The following QRFPR variants were observed in gnomAD, a reference collection of about 807,000 sequenced individuals.
QRFPR encodes pyroglutamylated RF-amide peptide receptor.
In QRFPR, 37 loss-of-function variants were observed where a neutral mutation model predicts 31.3. The ratio of observed to expected loss-of-function variants is 1.18; its 90% CI spans 0.91 to 1.56. The LOEUF (loss-of-function observed/expected upper bound fraction) is 1.56, where lower values mean the gene tolerates loss of function less well. QRFPR is among the 40% of genes most tolerant of loss of function. The pLI, the probability that QRFPR is intolerant of heterozygous loss-of-function variation, is 0.00. For missense variants in QRFPR, 542 were observed against 532.5 expected (o/e 1.02, Z -0.18); for synonymous variants, 197 against 192.0 (o/e 1.03, Z -0.22).
chr4:121,332,536 G>C (rs1725346145), intron 4 of QRFPR, among the ~76,000 whole-genome samples: 1 of 152,148 alleles, frequency 6.6e-6, no homozygotes, highest in Admixed American at 6.5e-5. Flanking sequence ...ACAGGGTTCT[G>C]ACACCAGCCC....
intron 1 of QRFPR, among the ~76,000 whole-genome samples, chr4:121,377,909 C>T (rs1050750095): frequency 2.6e-5 from 4 of 152,106 alleles, no homozygotes; most frequent in African/African-American, 9.7e-5. Flanking sequence ...GTTAATTTAT[C>T]AAGGAAATTT....
At chr4:121,363,528 A>G (rs548785311) in intron 1 of QRFPR, among the ~76,000 whole-genome samples, 1 of 150,008 alleles carries the variant, frequency 6.7e-6, no homozygotes, top group Non-Finnish European at 1.5e-5. Flanking sequence ...TTTCCAATTG[A>G]ACCATACTGG....
chr4:121,374,881 T>C (rs1451190070), intron 1 of QRFPR, among the ~76,000 whole-genome samples: 1 of 152,214 alleles, frequency 6.6e-6, no homozygotes, highest in East Asian at 1.9e-4. Context: ...TTGCTTTTAG[T>C]CAATTTGCCA....
At position 121,329,249 on chromosome 4, in the gene QRFPR, G is replaced by T; in HGVS notation, c.*65C>A. The T allele has an allele frequency of 8.0e-7, 1 of 1,247,908 alleles. No individual in the cohort carries two copies. 77.3% of individuals were successfully genotyped at this position (1,247,908 alleles called of 1,614,324 possible). A position where few individuals can be genotyped will look rare whatever the true frequency, so the allele number is the denominator to read the frequency against. The stretch of plus-strand genomic sequence containing the variant: ...AGAATAAAAAGAGTATTTGACCTTT[G>T]CTCAAAATAATTTTCTCTTTGGGTT... On this transcript the variant is annotated 3_prime_UTR_variant, in exon 6 of 6. Coordinates refer to ENST00000394427, the MANE Select transcript of QRFPR (RefSeq NM_198179.3).
chr4:121,336,904 G>C (rs72668953), intron 2 of QRFPR, 36 bp from the exon 3 acceptor site: 6 of 1,566,150 alleles, frequency 3.8e-6, no homozygotes, highest in Non-Finnish European at 5.3e-6. Flanking sequence ...GTATGACTCA[G>C]TTGAGTAAAA....
chr4:121,370,856 T>G (rs1726228839), intron 1 of QRFPR, among the ~76,000 whole-genome samples: 1 of 152,218 alleles, frequency 6.6e-6, no homozygotes, highest in African/African-American at 2.4e-5. Context: ...CATTAATATT[T>G]TTGTGAAAAT....
Position 121,367,466 on chromosome 4 carries a change from T to C in QRFPR, c.340+12842A>G, listed in dbSNP as rs926180876. ...TAAAAGTAATTCTTTTCATGTAAATTGTATTTATGTGAAATAACTACTTCA... is the reference window on the plus strand; with the variant it reads ...TAAAAGTAATTCTTTTCATGTAAATCGTATTTATGTGAAATAACTACTTCA... On this transcript the variant is annotated intron_variant, in intron 1 of 5. Transcript: ENST00000394427. Among the ~76,000 whole-genome samples, 16 of 150,332 alleles carry C rather than the reference T, an allele frequency of 1.1e-4. 2 individuals carry two copies. The highest frequency in any genetic ancestry group is 3.9e-4 in the African/African-American group (16 of 40,624).
At chr4:121,344,128 T>C (rs1725599956) in intron 1 of QRFPR, among the ~76,000 whole-genome samples, 1 of 152,226 alleles carries the variant, frequency 6.6e-6, no homozygotes, top group Non-Finnish European at 1.5e-5. Flanking sequence ...GGCTGACATG[T>C]TCTTTGTGGA....
chr4:121,380,850 G>C lies in QRFPR; in HGVS notation c.-203C>G, dbSNP rs1035200277. 9 of 552,152 alleles carry C rather than the reference G, an allele frequency of 1.6e-5. No homozygotes were observed. The highest frequency in any genetic ancestry group is 1.5e-4 in the African/African-American group (8 of 52,372). 34.2% of individuals were successfully genotyped at this position (552,152 alleles called of 1,614,324 possible). A position where few individuals can be genotyped will look rare whatever the true frequency, so the allele number is the denominator to read the frequency against. Reference sequence around the variant, plus strand: ...TCAGGGATCAAACCCACGATAAAGAGGCGGGAAGCCAAAGCACTGGGAGAC... The same window carrying C: ...TCAGGGATCAAACCCACGATAAAGACGCGGGAAGCCAAAGCACTGGGAGAC... On this transcript the variant is annotated 5_prime_UTR_variant, in exon 1 of 6. Transcript: ENST00000394427.
chr4:121,330,609 T>G, intron 4 of QRFPR, 86 bp from the exon 5 acceptor site: 12 of 930,402 alleles, frequency 1.3e-5, no homozygotes, highest in Non-Finnish European at 2.1e-5. Flanking sequence ...AGTCTGAGCT[T>G]AGTTCACTCA....
At chr4:121,335,186 A>T (rs1725408202) in intron 3 of QRFPR, among the ~76,000 whole-genome samples, 2 of 152,078 alleles carry the variant, frequency 1.3e-5, no homozygotes, top group Admixed American at 6.5e-5. Context: ...TATTTAGGGT[A>T]TTTTTTAAAC....
intron 1 of QRFPR, among the ~76,000 whole-genome samples, chr4:121,350,777 A>G (rs1725748912): frequency 6.6e-6 from 1 of 152,164 alleles, no homozygotes; most frequent in South Asian, 2.1e-4. Context: ...ATATCAGCTA[A>G]AAGGTCGCTG....
chr4:121,358,233 T>C (rs1295859214), intron 1 of QRFPR, among the ~76,000 whole-genome samples: 5 of 152,168 alleles, frequency 3.3e-5, no homozygotes, highest in Non-Finnish European at 7.4e-5. Context: ...ATTGTCAACA[T>C]TATAAGAGAT....
At chr4:121,334,623 G>A (rs1725398343) in intron 3 of QRFPR, 1 of 389,912 alleles carries the variant, frequency 2.6e-6, no homozygotes, top group Non-Finnish European at 5.2e-6. Context: ...GTAAAGCCTG[G>A]CAGAGAAAAA....
At chr4:121,333,762 T>G (rs1399430152) in intron 3 of QRFPR, among the ~76,000 whole-genome samples, 2 of 152,198 alleles carry the variant, frequency 1.3e-5, no homozygotes, top group African/African-American at 4.8e-5. Context: ...AAGGGCTAGT[T>G]CAAGAACAAA....
intron 1 of QRFPR, among the ~76,000 whole-genome samples, chr4:121,372,188 T>A (rs980515990): frequency 2.6e-5 from 4 of 152,084 alleles, no homozygotes; most frequent in African/African-American, 9.7e-5. Context: ...AGAAACTGCC[T>A]CACAGTGGCT....
intron 3 of QRFPR, among the ~76,000 whole-genome samples, chr4:121,333,797 A>G (rs1725382147): frequency 6.6e-6 from 1 of 152,188 alleles, no homozygotes; most frequent in African/African-American, 2.4e-5. Context: ...CATATTCAGA[A>G]GTCACTTTTT....
intron 1 of QRFPR, chr4:121,370,366 G>GT (rs1027248915): frequency 3.4e-5 from 25 of 745,064 alleles, no homozygotes; most frequent in African/African-American, 2.9e-4. Context: ...AGATCCAGGT[G>GT]TTTTTTCTAT....
chr4:121,369,630 C>A, intron 1 of QRFPR: 1 of 1,606,910 alleles, frequency 6.2e-7, no homozygotes, highest in Non-Finnish European at 8.5e-7. Context: ...GCCTGGGTGG[C>A]AAAACTTCCA....
Sources: allele counts gnomAD v4.1 joint callset (sites outside exome capture counted in the v4.1 genomes callset), GRCh38; gene constraint gnomAD v4.1.1; transcripts MANE v1.5; gene names NCBI Gene and HGNC (gene_info 2026-07-23, HGNC 2026-07-21).